SOX5: variants seen among roughly 807,000 people sequenced by gnomAD.
SOX5 encodes transcription factor SOX-5.
SOX5 carries 9 observed loss-of-function variants against 92.0 expected under a neutral mutation model. That is an observed-to-expected ratio of 0.10 (90% CI 0.06 to 0.17). The LOEUF (loss-of-function observed/expected upper bound fraction) is 0.17. Ranked by LOEUF, SOX5 falls within the 10% of genes least tolerant of loss-of-function variation. The pLI is 1.00. For missense variants in SOX5, 642 were observed against 944.5 expected, an observed-to-expected ratio of 0.68 and a Z score of 4.20; for synonymous variants, 344 against 336.3, an observed-to-expected ratio of 1.02 and a Z score of -0.25.
rs1477069757 is a variant in SOX5, at chr12:24,373,576, T to C, written c.-250-4937A>G. 1.9e-4 allele frequency among the ~76,000 whole-genome samples: 29 copies of C among 152,322 alleles called. 1 individual carries two copies. Among genetic ancestry groups the C allele is most frequent in the Admixed American group, 1.8e-3 (28 of 15,308 alleles). Reference sequence around the variant, plus strand: ...ATTTTAAAATTGATATTATTTTTGGTTGACAAATCATAATTATATTACATT... The same window carrying C: ...ATTTTAAAATTGATATTATTTTTGGCTGACAAATCATAATTATATTACATT... On this transcript the variant is annotated intron_variant, in intron 1 of 4. Transcript: ENST00000446891.
rs200092614 is a variant in SOX5 at position 23,895,867 on chromosome 12, C to G, written c.196G>C (p.Glu66Gln). The G allele has an allele frequency of 6.2e-7, 1 of 1,614,104 alleles. No individual in the cohort carries two copies. The highest frequency in any genetic ancestry group is 8.5e-7 in the Non-Finnish European group (1 of 1,180,004). Residue 66 changes from glutamate (E) to glutamine (Q), a missense_variant, in exon 2 of 15, where the codon GAA (glutamate) becomes CAA (glutamine). This residue lies in a region of SOX5 where 113 missense variants were observed against 117.7 expected (regional missense o/e 0.96). Coordinates refer to ENST00000451604, the MANE Select transcript of SOX5 (RefSeq NM_006940.6). ...GTCAGCAGAGAAACTGGCTGAAATT[C>G]CTCAGAGTGAGGCTTGTTGGGAAAA... The part of the protein sequence containing the change: ...VSFPNKPHSE[E>Q]FQPVSLLTQE...
At chr12:23,923,938 C>A (rs1328155191) in intron 1 of SOX5, among the ~76,000 whole-genome samples, 2 of 152,100 alleles carry the variant, frequency 1.3e-5, no homozygotes, top group Non-Finnish European at 2.9e-5. Context: ...CTTCTTAGGA[C>A]TTCAATGACA....
chr12:24,292,286 A>G (rs997432249), intron 2 of SOX5, among the ~76,000 whole-genome samples: 1 of 152,216 alleles, frequency 6.6e-6, no homozygotes, highest in Non-Finnish European at 1.5e-5. Context: ...TGCAGTGAAG[A>G]AAACTGGATA....
At chr12:24,285,237 G>A (rs939515859) in intron 2 of SOX5, among the ~76,000 whole-genome samples, 6 of 152,056 alleles carry the variant, frequency 3.9e-5, no homozygotes, top group Non-Finnish European at 8.8e-5. Context: ...TTATCTGTTG[G>A]TAGAACTACC....
intron 4 of SOX5, among the ~76,000 whole-genome samples, chr12:23,976,390 T>TAAAAAAAAAAAAAAAA (rs1327142180): frequency 1.8e-5 from 2 of 111,578 alleles, no homozygotes; most frequent in Non-Finnish European, 3.4e-5. Context: ...TGAACACTAT[T>TAAAAAAAAAAAAAAAA]AAAAAAACAA....
At chr12:23,837,279 T>TTATATTTATATTTATATAATATATAATA (rs2096438862) in intron 3 of SOX5, among the ~76,000 whole-genome samples, 2 of 74,594 alleles carry the variant, frequency 2.7e-5, no homozygotes, top group African/African-American at 1.0e-4. Context: ...TAATATGTAT[T>TTATATTTATATTTATATAATATATAATA]TATATTTATA....
chr12:23,909,377 C>A (rs2097326599), intron 1 of SOX5, among the ~76,000 whole-genome samples: 1 of 152,088 alleles, frequency 6.6e-6, no homozygotes, highest in Admixed American at 6.5e-5. Flanking sequence ...TGAGTTCATT[C>A]TCATCATTTG....
intron 1 of SOX5, among the ~76,000 whole-genome samples, chr12:24,431,787 C>G (rs545607064): frequency 2.6e-5 from 4 of 152,132 alleles, no homozygotes; most frequent in Non-Finnish European, 5.9e-5. Flanking sequence ...GTATTTTATG[C>G]AAGCTGCTGA....
intron 2 of SOX5, among the ~76,000 whole-genome samples, chr12:24,362,862 CAGTGAAA>C (rs1221840216): frequency 4.6e-4 from 36 of 79,048 alleles, no homozygotes; most frequent in Non-Finnish European, 6.2e-4. Context: ...TAAGAAACCA[CAGTGAAA>C]AAAAAAAAAA....
chr12:23,796,310 G>A (rs1045222812), intron 3 of SOX5, among the ~76,000 whole-genome samples: 3 of 152,006 alleles, frequency 2.0e-5, no homozygotes, highest in Non-Finnish European at 4.4e-5. Flanking sequence ...AGAAAAGCAG[G>A]GAAAGTAAAT....
At chr12:24,454,057 A>G (rs1052960647) in intron 1 of SOX5, among the ~76,000 whole-genome samples, 1 of 152,240 alleles carries the variant, frequency 6.6e-6, no homozygotes, top group Non-Finnish European at 1.5e-5. Flanking sequence ...GCTAAAAGCA[A>G]TGGTAGAGAG....
At chr12:24,253,022 T>A (rs1038509778) in intron 3 of SOX5, among the ~76,000 whole-genome samples, 2 of 152,106 alleles carry the variant, frequency 1.3e-5, no homozygotes, top group Non-Finnish European at 2.9e-5. Flanking sequence ...CAGCCAAGTT[T>A]TTTAAGCACA....
intron 1 of SOX5, among the ~76,000 whole-genome samples, chr12:24,391,274 G>T (rs1020974108): frequency 6.6e-6 from 1 of 152,018 alleles, no homozygotes; most frequent in Non-Finnish European, 1.5e-5. Flanking sequence ...GGAGTTACTG[G>T]TTTTTTAAGT....
chr12:23,803,226 A>G (rs1038654928), intron 3 of SOX5, among the ~76,000 whole-genome samples: 1 of 152,156 alleles, frequency 6.6e-6, no homozygotes, highest in African/African-American at 2.4e-5. Flanking sequence ...TTAACTACTT[A>G]TTTAAGCATC....
intron 1 of SOX5, among the ~76,000 whole-genome samples, chr12:24,523,261 T>C (rs73291664): frequency 0.025 from 3,772 of 152,248 alleles, 158 homozygotes; most frequent in African/African-American, 0.086. Flanking sequence ...AAGTGAAAGA[T>C]GGCCCATGTT....
At chr12:23,869,593 A>G (rs549274070) in intron 2 of SOX5, among the ~76,000 whole-genome samples, 84 of 152,222 alleles carry the variant, frequency 5.5e-4, no homozygotes, top group African/African-American at 2.0e-3. Flanking sequence ...ATGGTCCTCT[A>G]GAAGGATGGT....
chr12:23,938,532 A>G (rs1448698352), intron 1 of SOX5, among the ~76,000 whole-genome samples: 1 of 151,114 alleles, frequency 6.6e-6, no homozygotes, highest in Non-Finnish European at 1.5e-5. Context: ...TTGTTCAATC[A>G]TTTATTCTAC....
intron 11 of SOX5, among the ~76,000 whole-genome samples, chr12:23,559,966 A>G (rs1387166048): frequency 6.6e-6 from 1 of 152,104 alleles, no homozygotes; most frequent in Non-Finnish European, 1.5e-5. Flanking sequence ...GCTGGAGTAC[A>G]ATGGCGTGAT....
chr12:23,894,037 T>A (rs958316393), intron 2 of SOX5, among the ~76,000 whole-genome samples: 3 of 152,192 alleles, frequency 2.0e-5, no homozygotes, highest in African/African-American at 7.2e-5. Flanking sequence ...ATCCTGGTCC[T>A]TCCATGAATT....
Sources: gnomAD v4.1 joint callset for allele counts (sites outside exome capture counted in the v4.1 genomes callset) on GRCh38, gnomAD v4.1.1 for gene constraint, gnomAD v4.1.1 regional missense constraint, MANE v1.5 for transcripts, NCBI Gene and HGNC (gene_info 2026-07-23, HGNC 2026-07-21) for gene names.